CMTM8: variants seen among roughly 807,000 people sequenced by gnomAD.
CMTM8 encodes the protein CKLF like MARVEL transmembrane domain containing 8.
A neutral mutation model predicts 18.6 loss-of-function variants in CMTM8; 12 were observed. That is an observed-to-expected ratio of 0.65 (90% CI 0.41 to 1.05). CMTM8 has a LOEUF of 1.05. Ranked by LOEUF, CMTM8 falls within the 50% of genes least tolerant of loss-of-function variation. CMTM8 has a pLI of 0.00. For missense variants in CMTM8, 217 were observed against 227.2 expected (o/e 0.95, Z 0.29); for synonymous variants, 87 against 90.6 (o/e 0.96, Z 0.23).
At chr3:32,322,390 T>TG (rs963488907) in intron 1 of CMTM8, among the ~76,000 whole-genome samples, 1 of 152,230 alleles carries the variant, frequency 6.6e-6, no homozygotes, top group Non-Finnish European at 1.5e-5. Context: ...GGAGCAGGCA[T>TG]GAGACTAATT....
chr3:32,252,949 C>T (rs1191041501), intron 1 of CMTM8, among the ~76,000 whole-genome samples: 1 of 152,006 alleles, frequency 6.6e-6, no homozygotes, highest in Non-Finnish European at 1.5e-5. Context: ...TAACTGTGTA[C>T]CCTTTTTAAT....
In CMTM8 at chr3:32,238,923, C is replaced by G; in HGVS notation, c.-50C>G. ...GGGCGCAGGGCCGCGCGTCCAGCCC[C>G]AGACCCGCCGGGGTCCCTGGGGACG... On this transcript the variant is annotated 5_prime_UTR_variant, in exon 1 of 4. Transcript: ENST00000307526. The G allele has an allele frequency of 6.6e-7, 1 of 1,523,810 alleles. No homozygotes were observed. The highest frequency in any genetic ancestry group is 8.8e-7 in the Non-Finnish European group (1 of 1,133,860). The allele number at this position is 1,523,810 out of a possible 1,614,324, so 94.4% of individuals were successfully genotyped here. A position where few individuals can be genotyped will look rare whatever the true frequency, so the allele number is the denominator to read the frequency against.
chr3:32,255,297 C>T (rs577389881), intron 1 of CMTM8, among the ~76,000 whole-genome samples: 130 of 152,186 alleles, frequency 8.5e-4, no homozygotes, highest in South Asian at 8.1e-3. Context: ...AGAGTGGAAC[C>T]GCTATCATCA....
chr3:32,269,966 GT>G (rs1702412186), intron 1 of CMTM8, among the ~76,000 whole-genome samples: 1 of 151,654 alleles, frequency 6.6e-6, no homozygotes, highest in Non-Finnish European at 1.5e-5. Flanking sequence ...TGAGACGGGG[GT>G]CTCACTATGT....
At chr3:32,291,934 T>C (rs1222571183) in intron 1 of CMTM8, among the ~76,000 whole-genome samples, 1 of 152,198 alleles carries the variant, frequency 6.6e-6, no homozygotes, top group Non-Finnish European at 1.5e-5. Context: ...TGTTGTTTTT[T>C]GTTACTTGGT....
rs935618146 is a variant in CMTM8, at chr3:32,238,732, C to G, written c.-241C>G. 1 of 246,680 alleles carries G rather than the reference C, an allele frequency of 4.1e-6. No individual in the cohort carries two copies. Among genetic ancestry groups the G allele is most frequent in the Non-Finnish European group, 7.7e-6 (1 of 130,232 alleles). 15.3% of individuals were successfully genotyped at this position (246,680 alleles called of 1,614,324 possible). On this transcript the variant is annotated 5_prime_UTR_variant, in exon 1 of 4. Transcript: ENST00000307526. ...GCAGCCTCCCCTCGCTCGCTCTCCT[C>G]TTCCTCTAGGGCCCCAGCGCAGCTC...
At chr3:32,256,202 G>T (rs1181161675) in intron 1 of CMTM8, among the ~76,000 whole-genome samples, 1 of 150,948 alleles carries the variant, frequency 6.6e-6, no homozygotes, top group Non-Finnish European at 1.5e-5. Flanking sequence ...GTGCAGGTGG[G>T]ATCACAGGTG....
At chr3:32,264,453 G>A (rs1702304296) in intron 1 of CMTM8, among the ~76,000 whole-genome samples, 2 of 152,196 alleles carry the variant, frequency 1.3e-5, no homozygotes, top group South Asian at 4.1e-4. Context: ...CCTGAAGGAA[G>A]CACTAAACGT....
upstream of CMTM8, chr3:32,238,601 T>C (rs951284760): frequency 1.9e-5 from 3 of 161,598 alleles, no homozygotes; most frequent in African/African-American, 7.2e-5. Flanking sequence ...AGGGCGGGCG[T>C]CCGCGGCGCC....
intron 1 of CMTM8, among the ~76,000 whole-genome samples, chr3:32,281,953 C>T (rs192222025): frequency 6.6e-6 from 1 of 152,098 alleles, no homozygotes; most frequent in Non-Finnish European, 1.5e-5. Flanking sequence ...ACTGTAAATA[C>T]AAGAGTGCCA....
At chr3:32,309,992 C>T (rs1695789567) in intron 1 of CMTM8, among the ~76,000 whole-genome samples, 2 of 152,300 alleles carry the variant, frequency 1.3e-5, no homozygotes, top group South Asian at 2.1e-4. Flanking sequence ...TTGAGGTTCT[C>T]ACAGCCAGTC....
At chr3:32,259,997 G>A in intron 1 of CMTM8, 1 of 1,115,286 alleles carries the variant, frequency 9.0e-7, no homozygotes. Context: ...ACTGACCCAG[G>A]CAGAGGGACA....
intron 1 of CMTM8, among the ~76,000 whole-genome samples, chr3:32,267,367 A>C (rs1702365490): frequency 6.6e-6 from 1 of 152,272 alleles, no homozygotes; most frequent in South Asian, 2.1e-4. Flanking sequence ...TCCCTATTTA[A>C]TAAATGGTGC....
intron 1 of CMTM8, among the ~76,000 whole-genome samples, chr3:32,293,259 A>G (rs1181824188): frequency 6.6e-6 from 1 of 151,928 alleles, no homozygotes; most frequent in African/African-American, 2.4e-5. Flanking sequence ...TAGCTATTAA[A>G]CTGTGCTCAG....
At chr3:32,364,141 G>A (rs1352495871) in intron 2 of CMTM8, among the ~76,000 whole-genome samples, 1 of 152,162 alleles carries the variant, frequency 6.6e-6, no homozygotes, top group African/African-American at 2.4e-5. Flanking sequence ...GGAGTTCAAG[G>A]CAGGAGGATC....
chr3:32,325,074 G>A (rs1696127198), intron 1 of CMTM8, among the ~76,000 whole-genome samples: 1 of 152,212 alleles, frequency 6.6e-6, no homozygotes, highest in Admixed American at 6.5e-5. Context: ...CACCCCTCTT[G>A]CACCTGTTGT....
chr3:32,253,219 A>G (rs1428172487), intron 1 of CMTM8, among the ~76,000 whole-genome samples: 1 of 152,092 alleles, frequency 6.6e-6, no homozygotes, highest in Admixed American at 6.6e-5. Context: ...ACATCTAGGG[A>G]TATCGTGGCT....
At chr3:32,328,397 T>TAAAAAAAAAAAAAAAA (rs1696205947) in intron 1 of CMTM8, among the ~76,000 whole-genome samples, 1 of 86,892 alleles carries the variant, frequency 1.2e-5, no homozygotes, top group African/African-American at 4.4e-5. Context: ...AAAAAAAAAG[T>TAAAAAAAAAAAAAAAA]AATCCCGGCT....
At chr3:32,331,056 A>G (rs1339214750) in intron 1 of CMTM8, among the ~76,000 whole-genome samples, 1 of 152,216 alleles carries the variant, frequency 6.6e-6, no homozygotes, top group Non-Finnish European at 1.5e-5. Flanking sequence ...AGATACCTGC[A>G]AGCCATGAAT....
Sources: gnomAD v4.1 joint callset for allele counts (sites outside exome capture counted in the v4.1 genomes callset) on GRCh38, gnomAD v4.1.1 for gene constraint, MANE v1.5 for transcripts, NCBI Gene and HGNC (gene_info 2026-07-23, HGNC 2026-07-21) for gene names.